The following SULT1E1 variants were observed in gnomAD, a reference collection of about 807,000 sequenced individuals.
SULT1E1 encodes the protein sulfotransferase family 1E member 1.
A neutral mutation model predicts 33.6 loss-of-function variants in SULT1E1; 36 were observed. The ratio of observed to expected loss-of-function variants is 1.07; its 90% CI spans 0.82 to 1.41. SULT1E1 has a LOEUF of 1.41. Ranked by LOEUF, SULT1E1 falls within the 40% of genes most tolerant of loss-of-function variation. SULT1E1 has a pLI of 0.00. For synonymous variants in SULT1E1, 121 were observed against 111.7 expected, an observed-to-expected ratio of 1.08 and a Z score of -0.53; for missense variants, 371 against 345.7, an observed-to-expected ratio of 1.07 and a Z score of -0.58.
intron 1 of SULT1E1, 101 bp from the exon 2 acceptor site, chr4:69,857,754 T>A: frequency 9.0e-7 from 1 of 1,111,862 alleles, no homozygotes; most frequent in Non-Finnish European, 1.2e-6. Flanking sequence ...CTAGCACTTC[T>A]TAGTTGTTGC....
At chr4:69,831,179 G>A in the SULT1E1 span, among the ~76,000 whole-genome samples, 1 of 152,168 alleles carries the variant, frequency 6.6e-6, no homozygotes, top group African/African-American at 2.4e-5. Flanking sequence ...GTAAAGGGGG[G>A]TTGATTGGAA....
intron 3 of SULT1E1, among the ~76,000 whole-genome samples, chr4:69,854,897 CTTTT>C (rs1234527248): frequency 6.6e-6 from 1 of 151,914 alleles, no homozygotes; most frequent in Non-Finnish European, 1.5e-5. Flanking sequence ...TTTAACTATT[CTTTT>C]GTCGATTAGC....
At chr4:69,831,410 A>C in the SULT1E1 span, among the ~76,000 whole-genome samples, 4 of 152,256 alleles carry the variant, frequency 2.6e-5, no homozygotes, top group Non-Finnish European at 4.4e-5. Flanking sequence ...GAATTGATAT[A>C]GGGGAATTGG....
intron 6 of SULT1E1, among the ~76,000 whole-genome samples, chr4:69,845,510 A>C (rs1720955550): frequency 6.6e-6 from 1 of 151,440 alleles, no homozygotes; most frequent in South Asian, 2.1e-4. Flanking sequence ...TATGGGTGCA[A>C]AATAGGCATC....
chr4:69,830,178 C>G, the SULT1E1 span, among the ~76,000 whole-genome samples: 1 of 152,216 alleles, frequency 6.6e-6, no homozygotes, highest in East Asian at 1.9e-4. Context: ...TGTCCCCTTG[C>G]AAAGCCAGCT....
At chr4:69,844,116 C>T (rs1392588778) in intron 7 of SULT1E1, 45 bp downstream of exon 7, 1 of 1,594,024 alleles carries the variant, frequency 6.3e-7, no homozygotes, top group Non-Finnish European at 8.6e-7. Context: ...AACCATGTCA[C>T]CTTGTGACTT....
chr4:69,860,112 T>G lies in SULT1E1; in HGVS notation c.-73A>C, dbSNP rs1721342145. ...ATATCTCTTCAAATACCAAGGCAGA[T>G]CTTAAGCTGCAAAAAAAGATGAGAA... On this transcript the variant is annotated 5_prime_UTR_variant, in exon 1 of 8. Transcript: ENST00000226444. The G allele has an allele frequency of 6.6e-6, 1 of 152,094 alleles. No homozygotes were observed. Among genetic ancestry groups the G allele is most frequent in the African/African-American group, 2.4e-5 (1 of 41,428 alleles). The allele number at this position is 152,094 out of a possible 1,614,324, so 9.4% of individuals were successfully genotyped here. A position where few individuals can be genotyped will look rare whatever the true frequency, so the allele number is the denominator to read the frequency against.
chr4:69,844,920 T>G (rs571728697), intron 6 of SULT1E1, among the ~76,000 whole-genome samples: 4 of 152,220 alleles, frequency 2.6e-5, no homozygotes, highest in African/African-American at 9.6e-5. Flanking sequence ...CTAACCGCAA[T>G]GTGTATTCAA....
At chr4:69,847,179 TA>T (rs1321709347) in intron 6 of SULT1E1, among the ~76,000 whole-genome samples, 1 of 151,744 alleles carries the variant, frequency 6.6e-6, no homozygotes, top group African/African-American at 2.4e-5. Context: ...TAATTTTTCA[TA>T]TTTTTTTAGT....
the SULT1E1 span, among the ~76,000 whole-genome samples, chr4:69,823,426 G>T: frequency 6.6e-6 from 1 of 152,038 alleles, no homozygotes; most frequent in African/African-American, 2.4e-5. Context: ...CCGAGAGGGG[G>T]ATCTCTGGGA....
At chr4:69,847,572 T>C (rs1240368062) in intron 6 of SULT1E1, 126 bp downstream of exon 6, 4 of 543,182 alleles carry the variant, frequency 7.4e-6, no homozygotes, top group Admixed American at 3.7e-5. Context: ...TTTTGGTCCT[T>C]TCCTTTTAAA....
At chr4:69,850,820 G>C (rs747538018) in intron 4 of SULT1E1, among the ~76,000 whole-genome samples, 1 of 151,942 alleles carries the variant, frequency 6.6e-6, no homozygotes, top group Non-Finnish European at 1.5e-5. Flanking sequence ...TAGAAAAAAA[G>C]AGTGATCTCT....
At chr4:69,849,073 C>T (rs1466968626) in intron 5 of SULT1E1, 1 of 158,958 alleles carries the variant, frequency 6.3e-6, no homozygotes, top group Non-Finnish European at 1.4e-5. Flanking sequence ...CTCTCCCCAA[C>T]CCATTGTTCA....
chr4:69,843,386 A>G (rs891109535), intron 7 of SULT1E1, among the ~76,000 whole-genome samples: 4 of 152,204 alleles, frequency 2.6e-5, no homozygotes, highest in African/African-American at 9.6e-5. Context: ...ATTAAAATAT[A>G]GTTTGAGAAC....
intron 6 of SULT1E1, among the ~76,000 whole-genome samples, chr4:69,846,255 T>C (rs1439490495): frequency 8.8e-5 from 13 of 147,620 alleles, no homozygotes; most frequent in Non-Finnish European, 1.8e-4. Flanking sequence ...AGTTTTTTTT[T>C]CTTTTGAGTT....
At chr4:69,825,868 G>C in the SULT1E1 span, among the ~76,000 whole-genome samples, 1 of 152,126 alleles carries the variant, frequency 6.6e-6, no homozygotes, top group African/African-American at 2.4e-5. Context: ...TCCGAGGCTA[G>C]TCCCACTTCT....
chr4:69,830,046 C>T, the SULT1E1 span, among the ~76,000 whole-genome samples: 1 of 152,284 alleles, frequency 6.6e-6, no homozygotes, highest in Non-Finnish European at 1.5e-5. Flanking sequence ...TCCTTGTTAT[C>T]ATTCTCTGGA....
intron 5 of SULT1E1, chr4:69,849,077 T>C (rs1721043822): frequency 6.2e-6 from 1 of 160,100 alleles, no homozygotes. Flanking sequence ...CCCCAACCCA[T>C]TGTTCAATAG....
chr4:69,844,177 C>G lies in SULT1E1; in HGVS notation c.756G>C (p.Ser252=). 4 of 1,613,860 alleles carry G rather than the reference C, an allele frequency of 2.5e-6. 1 individual carries two copies. The East Asian group carries it at 8.9e-5, about 36-fold the overall frequency. ...TTTTCTCACCCTTTCTCATGAAGGGCGACAATTTCTGGTTCATAATTTCGT... is the reference window on the plus strand; with the variant it reads ...TTTTCTCACCCTTTCTCATGAAGGGGGACAATTTCTGGTTCATAATTTCGT... ...LPDEIMNQKL[S]PFMRKGITGD... The change falls in exon 7 of 8, where the codon TCG becomes TCC. Residue 252 remains serine (S), a synonymous_variant. Coordinates refer to ENST00000226444, the MANE Select transcript of SULT1E1 (RefSeq NM_005420.3).
Sources: allele counts gnomAD v4.1 joint callset (sites outside exome capture counted in the v4.1 genomes callset), GRCh38; gene constraint gnomAD v4.1.1; transcripts MANE v1.5; gene names NCBI Gene and HGNC (gene_info 2026-07-23, HGNC 2026-07-21).